Variants in ADAT2 observed in about 807,000 individuals in gnomAD.
ADAT2 encodes tRNA-specific adenosine-34 deaminase catalytic subunit ADAT2.
A neutral mutation model predicts 25.9 loss-of-function variants in ADAT2; 26 were observed. The ratio of observed to expected loss-of-function variants is 1.00; its 90% CI spans 0.74 to 1.39. ADAT2 has a LOEUF of 1.39. Among genes scored for constraint, ADAT2 ranks in the 40% most tolerant of loss-of-function variants. The probability of loss-of-function intolerance (pLI) is 0.00; values close to 1 mark genes in which losing one functional copy is unlikely to be tolerated. For missense variants in ADAT2, 220 were observed against 244.8 expected (o/e 0.90, Z 0.68); for synonymous variants, 76 against 86.8 (o/e 0.88, Z 0.69).
rs1779613806 is a variant in ADAT2, at chr6:143,446,843, G to A, written c.96+3720C>T. ...ACCATAATAATACTCACCTGATAGG[G>A]CTTCTGTGGGGCTTATAACATGGCC... On this transcript the variant is annotated intron_variant, in intron 1 of 5. Transcript: ENST00000237283. This position sits in a 1 kb window ranked among gnomAD's most constrained non-coding sequence, Gnocchi z 5.0. Among the ~76,000 whole-genome samples, 1 of 152,092 alleles carries A rather than the reference G, an allele frequency of 6.6e-6. No individual in the cohort carries two copies.
rs1245988256 is a variant in ADAT2, at chr6:143,432,538, A to G, written c.426T>C (p.Ser142=). 6.2e-7 allele frequency: 1 copy of G among 1,614,120 alleles called. No individual in the cohort carries two copies. The highest frequency in any genetic ancestry group is 8.5e-7 in the Non-Finnish European group (1 of 1,180,050). Residue 142 remains serine (S), a synonymous_variant, in exon 4 of 6, where the codon TCT becomes TCC. Transcript: ENST00000237283. The surrounding 1 kb of genome is among the most constrained non-coding windows in gnomAD (Gnocchi z 4.4). The stretch of plus-strand genomic sequence containing the variant: ...GTCTCCCAGTGTTTGGTAGGTCAGC[A>G]GAGGCAATATTTAGAACAGAGCCAC... ...GGCGSVLNIA[S]ADLPNTGRPF...
At position 143,436,610 on chromosome 6, in the gene ADAT2, G is replaced by A; in HGVS notation, c.201+1980C>T. On this transcript the variant is annotated intron_variant, in intron 2 of 5. Transcript: ENST00000237283. This position sits in a 1 kb window ranked among gnomAD's most constrained non-coding sequence, Gnocchi z 4.1. ...GAGATGGAATTCACTGGGGCCGAGA[G>A]CAACATGAATGACCTGGTATCAGAG... 2.5e-6 allele frequency: 1 copy of A among 405,510 alleles called. No homozygotes were observed. Among genetic ancestry groups the A allele is most frequent in the South Asian group, 2.1e-5 (1 of 47,182 alleles). The allele number at this position is 405,510 out of a possible 1,614,324, so 25.1% of individuals were successfully genotyped here.
In ADAT2 at chr6:143,436,512, C is replaced by T. The variant is rs141874689; in HGVS notation, c.201+2078G>A. On this transcript the variant is annotated intron_variant, in intron 2 of 5. Coordinates refer to ENST00000237283, the MANE Select transcript of ADAT2 (RefSeq NM_182503.3). The surrounding 1 kb of genome is among the most constrained non-coding windows in gnomAD (Gnocchi z 4.1). ...CGGCCATCCAGGAGCTGCTCAGAGACGTCTCAGAGCAGTTCACAGCCATGT... is the reference window on the plus strand; with the variant it reads ...CGGCCATCCAGGAGCTGCTCAGAGATGTCTCAGAGCAGTTCACAGCCATGT... The T allele has an allele frequency of 4.8e-3, 1,615 of 337,300 alleles. 14 individuals carry two copies. Among genetic ancestry groups the T allele is most frequent in the African/African-American group, 0.03 (1,403 of 46,034 alleles). The allele number at this position is 337,300 out of a possible 1,614,324, so 20.9% of individuals were successfully genotyped here. A position where few individuals can be genotyped will look rare whatever the true frequency, so the allele number is the denominator to read the frequency against.
rs115596120 is a variant in ADAT2, at chr6:143,430,078, A to G, written c.460-1394T>C. Among the ~76,000 whole-genome samples, 1,237 of 152,246 alleles carry G rather than the reference A, an allele frequency of 8.1e-3. 17 individuals carry two copies. The highest frequency in any genetic ancestry group is 0.029 in the African/African-American group (1,192 of 41,544). ...AGATTCCTCAACTCTGCAGTCCTGGAGGCAACTGGCCACACCTGCTCTGTC... is the reference window on the plus strand; with the variant it reads ...AGATTCCTCAACTCTGCAGTCCTGGGGGCAACTGGCCACACCTGCTCTGTC... On this transcript the variant is annotated intron_variant, in intron 4 of 5. Coordinates refer to ENST00000237283, the MANE Select transcript of ADAT2 (RefSeq NM_182503.3).
In ADAT2 at chr6:143,432,487, A is replaced by G; in HGVS notation, c.459+18T>C. Reference sequence around the variant, plus strand: ...AAATAATTAGCAAGAAAGAAAAAGCATAAGCAGTTTGTATTACCTGAAATG... The same window carrying G: ...AAATAATTAGCAAGAAAGAAAAAGCGTAAGCAGTTTGTATTACCTGAAATG... On this transcript the variant is annotated intron_variant, in intron 4 of 5. Coordinates refer to ENST00000237283, the MANE Select transcript of ADAT2 (RefSeq NM_182503.3). The surrounding 1 kb of genome is among the most constrained non-coding windows in gnomAD (Gnocchi z 4.4). 5.6e-6 allele frequency: 9 copies of G among 1,600,828 alleles called. No homozygotes were observed. Among genetic ancestry groups the G allele is most frequent in the South Asian group, 1.1e-5 (1 of 90,824 alleles).
Position 143,444,828 on chromosome 6 carries a change from T to C in ADAT2, c.96+5735A>G, listed in dbSNP as rs968911622. On this transcript the variant is annotated intron_variant, in intron 1 of 5. Coordinates refer to ENST00000237283, the MANE Select transcript of ADAT2 (RefSeq NM_182503.3). This position sits in a 1 kb window ranked among gnomAD's most constrained non-coding sequence, Gnocchi z 4.3. Reference sequence around the variant, plus strand: ...GATACAGATAATGAAAGCACCTAGATGGAAGAGACTTCGTAGTTTATTATT... The same window carrying C: ...GATACAGATAATGAAAGCACCTAGACGGAAGAGACTTCGTAGTTTATTATT... 1.1e-6 allele frequency: 1 copy of C among 883,882 alleles called. No homozygotes were observed. Among genetic ancestry groups the C allele is most frequent in the African/African-American group, 1.8e-5 (1 of 55,724 alleles). 54.8% of individuals were successfully genotyped at this position (883,882 alleles called of 1,614,324 possible). A position where few individuals can be genotyped will look rare whatever the true frequency, so the allele number is the denominator to read the frequency against.
rs1316311374 is a variant in ADAT2 at position 143,422,956 on chromosome 6, T to C, written c.*5507A>G. The C allele has an allele frequency of 6.6e-6, 1 of 152,246 alleles. No homozygotes were observed. The highest frequency in any genetic ancestry group is 6.5e-5 in the Admixed American group (1 of 15,286). 9.4% of individuals were successfully genotyped at this position (152,246 alleles called of 1,614,324 possible). On this transcript the variant is annotated 3_prime_UTR_variant, in exon 6 of 6. Transcript: ENST00000237283. The surrounding 1 kb of genome is among the most constrained non-coding windows in gnomAD (Gnocchi z 4.3). ...ACATTCTAAGCCAGAAAACATATTT[T>C]GGTATCTTAGATTTTTCCTTTACAT...
chr6:143,426,236 G>GT lies in ADAT2; in HGVS notation c.*2226dup, dbSNP rs992673740. Reference sequence around the variant, plus strand: ...CTAGGACATCTTAATATTTTAACCCGTGTCTAAGTAGCTGGGGAATGTGGT... The same window carrying GT: ...CTAGGACATCTTAATATTTTAACCCGTTGTCTAAGTAGCTGGGGAATGTGGT... On this transcript the variant is annotated 3_prime_UTR_variant, in exon 6 of 6. Coordinates refer to ENST00000237283, the MANE Select transcript of ADAT2 (RefSeq NM_182503.3). This position sits in a 1 kb window ranked among gnomAD's most constrained non-coding sequence, Gnocchi z 4.1. 8 of 152,150 alleles carry GT rather than the reference G, an allele frequency of 5.3e-5. No individual in the cohort carries two copies. The highest frequency in any genetic ancestry group is 1.9e-4 in the African/African-American group (8 of 41,424). The allele number at this position is 152,150 out of a possible 1,614,324, so 9.4% of individuals were successfully genotyped here.
At chr6:143,431,429 A>G (rs1480175010) in intron 4 of ADAT2, among the ~76,000 whole-genome samples, 2 of 152,272 alleles carry the variant, frequency 1.3e-5, no homozygotes, top group South Asian at 2.1e-4. Flanking sequence ...TCATTTGCAA[A>G]GAGTTATGTA....
In ADAT2 at chr6:143,444,108, T is replaced by C. The variant is rs1779532560; in HGVS notation, c.97-5414A>G. 6.6e-6 allele frequency among the ~76,000 whole-genome samples: 1 copy of C among 152,158 alleles called. No individual in the cohort carries two copies. Among genetic ancestry groups the C allele is most frequent in the Non-Finnish European group, 1.5e-5 (1 of 68,028 alleles). On this transcript the variant is annotated intron_variant, in intron 1 of 5. Transcript: ENST00000237283. The surrounding 1 kb of genome is among the most constrained non-coding windows in gnomAD (Gnocchi z 4.3). The stretch of plus-strand genomic sequence containing the variant: ...GGTTTGTGCCTTCCATTCCTTCCTT[T>C]GGATTTTTCTCTTTTTCCGTCTAGC...
rs1779612880 is a variant in ADAT2, at chr6:143,446,825, T to G, written c.96+3738A>C. On this transcript the variant is annotated intron_variant, in intron 1 of 5. Transcript: ENST00000237283. The surrounding 1 kb of genome is among the most constrained non-coding windows in gnomAD (Gnocchi z 5.0). ...TCCCATCTGAAAATGAGGACCATAA[T>G]AATACTCACCTGATAGGGCTTCTGT... Among the ~76,000 whole-genome samples, 1 of 152,124 alleles carries G rather than the reference T, an allele frequency of 6.6e-6. No individual in the cohort carries two copies. The highest frequency in any genetic ancestry group is 2.1e-4 in the South Asian group (1 of 4,822).
chr6:143,445,582 C>T (rs369428966), intron 1 of ADAT2, among the ~76,000 whole-genome samples: 3 of 152,250 alleles, frequency 2.0e-5, no homozygotes, highest in African/African-American at 2.4e-5. Context: ...TCTCAACGGA[C>T]GTGTTGAAGG....
At chr6:143,443,173 T>C (rs1026725866) in intron 1 of ADAT2, among the ~76,000 whole-genome samples, 5 of 152,020 alleles carry the variant, frequency 3.3e-5, no homozygotes, top group Non-Finnish European at 1.5e-5. Context: ...CATGTATATA[T>C]CTCTCACTAG....
At position 143,438,660 on chromosome 6, in the gene ADAT2, A is replaced by C. The variant is rs1490062275; in HGVS notation, c.131T>G (p.Val44Gly). The change falls in exon 2 of 6, where the codon GTT becomes GGT. Residue 44 changes from valine (V) to glycine (G), a missense_variant. By Grantham distance (109) the Val-to-Gly change is moderately radical. Coordinates refer to ENST00000237283, the MANE Select transcript of ADAT2 (RefSeq NM_182503.3). ...KEALENTEVP[V>G]GCLMVYNNEV... ...ATTGTTGTAGACCATAAGACAGCCA[A>C]CAGGAACTTCAGTATTTTCGAGGGC... 6.2e-7 allele frequency: 1 copy of C among 1,613,392 alleles called. No homozygotes were observed. Among genetic ancestry groups the C allele is most frequent in the Non-Finnish European group, 8.5e-7 (1 of 1,179,522 alleles).
chr6:143,431,388 A>G (rs1779111965), intron 4 of ADAT2, among the ~76,000 whole-genome samples: 1 of 152,260 alleles, frequency 6.6e-6, no homozygotes, highest in Non-Finnish European at 1.5e-5. Flanking sequence ...TATTTAGATC[A>G]TTCTCATAAA....
chr6:143,438,400 A>G (rs985724086), intron 2 of ADAT2, among the ~76,000 whole-genome samples, 190 bp downstream of exon 2: 1 of 152,182 alleles, frequency 6.6e-6, no homozygotes, highest in African/African-American at 2.4e-5. Flanking sequence ...ACAATAAAAA[A>G]AATCAACATG....
At position 143,436,606 on chromosome 6, in the gene ADAT2, G is replaced by A. The variant is rs1328812125; in HGVS notation, c.201+1984C>T. Reference sequence around the variant, plus strand: ...GAATGAGATGGAATTCACTGGGGCCGAGAGCAACATGAATGACCTGGTATC... The same window carrying A: ...GAATGAGATGGAATTCACTGGGGCCAAGAGCAACATGAATGACCTGGTATC... On this transcript the variant is annotated intron_variant, in intron 2 of 5. Transcript: ENST00000237283. The surrounding 1 kb of genome is among the most constrained non-coding windows in gnomAD (Gnocchi z 4.1). The A allele has an allele frequency of 1.5e-5, 6 of 407,458 alleles. 1 individual carries two copies. The highest frequency in any genetic ancestry group is 2.5e-5 in the Non-Finnish European group (5 of 201,022). The allele number at this position is 407,458 out of a possible 1,614,324, so 25.2% of individuals were successfully genotyped here. A position where few individuals can be genotyped will look rare whatever the true frequency, so the allele number is the denominator to read the frequency against.
intron 1 of ADAT2, chr6:143,449,824 AC>A (rs1380985965): frequency 6.6e-6 from 1 of 152,150 alleles, no homozygotes; most frequent in African/African-American, 2.4e-5. Context: ...CCTCCATACC[AC>A]CCTGAATGTC....
At position 143,434,467 on chromosome 6, in the gene ADAT2, T is replaced by C. The variant is rs1301323655; in HGVS notation, c.202-486A>G. 2.0e-5 allele frequency among the ~76,000 whole-genome samples: 3 copies of C among 152,202 alleles called. No individual in the cohort carries two copies. The highest frequency in any genetic ancestry group is 4.4e-5 in the Non-Finnish European group (3 of 68,028). On this transcript the variant is annotated intron_variant, in intron 2 of 5. Transcript: ENST00000237283. This position sits in a 1 kb window ranked among gnomAD's most constrained non-coding sequence, Gnocchi z 4.5. ...TTTTGGGGAATGAGGTTTTATATAC[T>C]GGAAGACTCTAGAGAAGTAGAGATT...
Sources: allele counts gnomAD v4.1 joint callset (sites outside exome capture counted in the v4.1 genomes callset), GRCh38; gene constraint gnomAD v4.1.1; non-coding constraint Gnocchi (gnomAD v3.1); transcripts MANE v1.5; gene names NCBI Gene and HGNC (gene_info 2026-07-23, HGNC 2026-07-21).